Variants in SLC25A48 observed in about 807,000 individuals in gnomAD.
SLC25A48 encodes the protein solute carrier family 25 member 48, also known as CTC-321K16.1.
Under a neutral mutation model 32.2 loss-of-function variants are expected in SLC25A48, and 29 were observed. The ratio of observed to expected loss-of-function variants is 0.90; its 90% CI spans 0.67 to 1.23. The LOEUF (loss-of-function observed/expected upper bound fraction) is 1.23. Ranked by LOEUF, SLC25A48 falls within the 50% of genes most tolerant of loss-of-function variation. The probability of loss-of-function intolerance (pLI) is 0.00; values close to 1 mark genes in which losing one functional copy is unlikely to be tolerated. For synonymous variants in SLC25A48, 164 were observed against 172.3 expected (o/e 0.95, Z 0.38); for missense variants, 399 against 422.7 (o/e 0.94, Z 0.49).
chr5:135,670,622 G>A (rs1265636797), intron 3 of SLC25A48, among the ~76,000 whole-genome samples: 1 of 152,206 alleles, frequency 6.6e-6, no homozygotes, highest in Non-Finnish European at 1.5e-5. Flanking sequence ...AAATCAGATA[G>A]TGCATGTTCA....
chr5:135,803,598 C>T (rs973288090), intron 3 of SLC25A48, among the ~76,000 whole-genome samples: 2 of 151,700 alleles, frequency 1.3e-5, no homozygotes, highest in African/African-American at 4.8e-5. Context: ...GATATTACTC[C>T]TAATATTACA....
At chr5:135,689,265 G>T (rs1754089369) in intron 3 of SLC25A48, among the ~76,000 whole-genome samples, 2 of 152,154 alleles carry the variant, frequency 1.3e-5, no homozygotes, top group Admixed American at 1.3e-4. Context: ...TCTTAAGAGG[G>T]AATCTACAGG....
intron 3 of SLC25A48, among the ~76,000 whole-genome samples, chr5:135,789,627 G>A (rs1318963909): frequency 6.6e-6 from 1 of 151,562 alleles, no homozygotes; most frequent in Non-Finnish European, 1.5e-5. Flanking sequence ...CCCATGTGGC[G>A]GGGGGTGTAC....
intron 5 of SLC25A48, among the ~76,000 whole-genome samples, chr5:135,873,566 A>G (rs1039076145): frequency 6.6e-6 from 1 of 152,184 alleles, no homozygotes; most frequent in Non-Finnish European, 1.5e-5. Context: ...TCCTGCCCTC[A>G]GTGAGCTGCA....
chr5:135,787,200 G>A (rs1756869235), intron 3 of SLC25A48, among the ~76,000 whole-genome samples: 1 of 152,056 alleles, frequency 6.6e-6, no homozygotes, highest in South Asian at 2.1e-4. Context: ...ATCACAGTGG[G>A]TGTACAACAA....
intron 3 of SLC25A48, chr5:135,649,704 A>G (rs801561): frequency 0.82 from 124,552 of 152,692 alleles, 50,930 homozygotes; most frequent in East Asian, 1. Flanking sequence ...GGCTCGGGCT[A>G]CACAGAGTGG....
At chr5:135,644,049 A>C (rs1752902023) in intron 3 of SLC25A48, among the ~76,000 whole-genome samples, 1 of 152,214 alleles carries the variant, frequency 6.6e-6, no homozygotes, top group Admixed American at 6.5e-5. Flanking sequence ...TATGATAAGC[A>C]TTTGATGTTA....
chr5:135,659,958 A>G lies in SLC25A48; in HGVS notation c.-521+25002A>G, dbSNP rs181950987. Among the ~76,000 whole-genome samples, 512 of 152,348 alleles carry G rather than the reference A, an allele frequency of 3.4e-3. 5 individuals carry two copies. The highest frequency in any genetic ancestry group is 0.011 in the African/African-American group (474 of 41,582). ...CCACCTTCGGGAATTACAGTTCAAC[A>G]TGTGATTTGGGTGGGGACACAGAGG... On this transcript the variant is annotated intron_variant, in intron 3 of 10. Transcript: ENST00000646290.
chr5:135,862,372 T>C (rs571017826), intron 4 of SLC25A48, among the ~76,000 whole-genome samples: 1 of 152,220 alleles, frequency 6.6e-6, no homozygotes, highest in Non-Finnish European at 1.5e-5. Context: ...GACTGAACAT[T>C]AACTCTGTGC....
chr5:135,669,721 G>C (rs757644067), intron 3 of SLC25A48, among the ~76,000 whole-genome samples: 3 of 152,186 alleles, frequency 2.0e-5, no homozygotes, highest in Admixed American at 6.5e-5. Flanking sequence ...ACCCAGCAGG[G>C]AGACTCTGAG....
At chr5:135,674,513 C>T (rs1672685838) in intron 3 of SLC25A48, among the ~76,000 whole-genome samples, 1 of 152,004 alleles carries the variant, frequency 6.6e-6, no homozygotes, top group South Asian at 2.1e-4. Context: ...TTAGCTCTCA[C>T]ATATGAGTAA....
intron 1 of SLC25A48, among the ~76,000 whole-genome samples, chr5:135,583,000 G>A (rs1383763477): frequency 6.6e-6 from 1 of 152,204 alleles, no homozygotes; most frequent in Admixed American, 6.5e-5. Flanking sequence ...ATCTGTCTGT[G>A]TCTGTGGGTG....
chr5:135,837,005 A>C (rs1396334495), intron 1 of SLC25A48, among the ~76,000 whole-genome samples: 1 of 119,696 alleles, frequency 8.4e-6, no homozygotes. Context: ...ATTTTGTTTG[A>C]GATTTTACTG....
chr5:135,774,397 A>C (rs4484422), intron 3 of SLC25A48, among the ~76,000 whole-genome samples: 45,881 of 151,542 alleles, frequency 0.3, 7,105 homozygotes, highest in East Asian at 0.46. Flanking sequence ...CCAGGGTGGG[A>C]GAGGATGCTA....
intron 3 of SLC25A48, among the ~76,000 whole-genome samples, chr5:135,690,956 T>TA (rs1554122103): frequency 1.3e-4 from 19 of 151,620 alleles, no homozygotes; most frequent in African/African-American, 4.6e-4. Flanking sequence ...TTTTTTTTTT[T>TA]AATAAAAATC....
intron 3 of SLC25A48, among the ~76,000 whole-genome samples, chr5:135,768,701 G>T (rs530356484): frequency 3.2e-4 from 49 of 151,682 alleles, no homozygotes; most frequent in African/African-American, 1.1e-3. Flanking sequence ...GCAGGAATGT[G>T]CACACCCTTG....
chr5:135,591,724 C>T (rs965237746), intron 1 of SLC25A48, among the ~76,000 whole-genome samples: 1 of 152,196 alleles, frequency 6.6e-6, no homozygotes, highest in African/African-American at 2.4e-5. Flanking sequence ...CTGGCCCTGC[C>T]TTTCAAGGAG....
In SLC25A48 at chr5:135,749,004, C is replaced by A. The variant is rs139017153; in HGVS notation, c.-520-63519C>A. Among the ~76,000 whole-genome samples, 205 of 152,256 alleles carry A rather than the reference C, an allele frequency of 1.3e-3. 1 individual carries two copies. The highest frequency in any genetic ancestry group is 4.9e-3 in the African/African-American group (203 of 41,554). ...ACAGTGCTGAGATTACAGATGTGAGCCCATCTCAGGTACTGTGGTGCCTGG... is the reference window on the plus strand; with the variant it reads ...ACAGTGCTGAGATTACAGATGTGAGACCATCTCAGGTACTGTGGTGCCTGG... On this transcript the variant is annotated intron_variant, in intron 3 of 10. Transcript: ENST00000646290.
intron 4 of SLC25A48, among the ~76,000 whole-genome samples, chr5:135,860,774 T>C (rs1033207678): frequency 1.3e-5 from 2 of 152,038 alleles, no homozygotes; most frequent in South Asian, 2.1e-4. Context: ...TTGAGACTGA[T>C]TGGGTTTTGT....
Sources: gnomAD v4.1 joint callset for allele counts (sites outside exome capture counted in the v4.1 genomes callset) on GRCh38, gnomAD v4.1.1 for gene constraint, MANE v1.5 for transcripts, NCBI Gene and HGNC (gene_info 2026-07-23, HGNC 2026-07-21) for gene names.